Variants in PLCB4 observed in about 807,000 individuals in gnomAD.
PLCB4 encodes the protein 1-phosphatidylinositol 4,5-bisphosphate phosphodiesterase beta-4.
A neutral mutation model predicts 178.8 loss-of-function variants in PLCB4; 77 were observed. The observed-to-expected ratio is 0.43, with a 90% CI of 0.36 to 0.52. PLCB4 has a LOEUF of 0.52. Among genes scored for constraint, PLCB4 ranks in the 20% least tolerant of loss-of-function variants. PLCB4 has a pLI of 0.00. For missense variants in PLCB4, 1,024 were observed against 1,453.4 expected, an observed-to-expected ratio of 0.70 and a Z score of 4.80; for synonymous variants, 496 against 490.8, an observed-to-expected ratio of 1.01 and a Z score of -0.14.
At chr20:9,222,036 GTTTTATTTTATTTTATTTTATTTTA>G (rs869180528) in intron 3 of PLCB4, among the ~76,000 whole-genome samples, 2,364 of 97,288 alleles carry the variant, frequency 0.024, 71 homozygotes, top group African/African-American at 0.057. Context: ...ATTTTATTTT[GTTTTATTTTATTTTATTTTATTTTA>G]TTTTATTTTA....
chr20:9,474,591 A>G (rs2044417335), intron 38 of PLCB4, among the ~76,000 whole-genome samples: 1 of 152,176 alleles, frequency 6.6e-6, no homozygotes, highest in African/African-American at 2.4e-5. Context: ...AATCCTATTT[A>G]AGGAATACTT....
intron 3 of PLCB4, among the ~76,000 whole-genome samples, chr20:9,224,741 A>G (rs2093842315): frequency 6.6e-6 from 1 of 152,106 alleles, no homozygotes; most frequent in African/African-American, 2.4e-5. Context: ...TTCTCTTCCC[A>G]AGGTGATTAG....
intron 27 of PLCB4, among the ~76,000 whole-genome samples, chr20:9,422,429 T>C (rs1199802182): frequency 6.6e-6 from 1 of 152,206 alleles, no homozygotes; most frequent in African/African-American, 2.4e-5. Flanking sequence ...ATGGTGTAAA[T>C]TACATGCATA....
chr20:9,213,364 T>G (rs1343733267), intron 2 of PLCB4, among the ~76,000 whole-genome samples: 2 of 151,646 alleles, frequency 1.3e-5, no homozygotes, highest in African/African-American at 4.9e-5. Flanking sequence ...AGGCTGGTCT[T>G]GAACTCCTGA....
Position 9,307,811 on chromosome 20 carries a change from A to C in PLCB4, c.-4A>C, listed in dbSNP as rs779389917. On this transcript the variant is annotated 5_prime_UTR_variant, in exon 4 of 40. Coordinates refer to ENST00000378473, the MANE Select transcript of PLCB4 (RefSeq NM_001377142.1). ...TTTTTCATTTTTAGGTCTTGAATAT[A>C]ATCATGGCCAAACCTTATGAATTTA... 17 of 1,570,166 alleles carry C rather than the reference A, an allele frequency of 1.1e-5. No homozygotes were observed. Among genetic ancestry groups the C allele is most frequent in the Non-Finnish European group, 1.5e-5 (17 of 1,147,660 alleles).
intron 3 of PLCB4, among the ~76,000 whole-genome samples, chr20:9,306,457 C>G (rs1309810432): frequency 6.6e-6 from 1 of 152,144 alleles, no homozygotes; most frequent in Non-Finnish European, 1.5e-5. Context: ...AACACTTCAT[C>G]TGAGTTTTCT....
At chr20:9,155,633 G>A (rs994135130) in intron 2 of PLCB4, among the ~76,000 whole-genome samples, 1 of 152,172 alleles carries the variant, frequency 6.6e-6, no homozygotes, top group Non-Finnish European at 1.5e-5. Flanking sequence ...AGGTTGATGG[G>A]ATTAAATCAG....
At chr20:9,156,416 A>G (rs2092788893) in intron 2 of PLCB4, among the ~76,000 whole-genome samples, 1 of 152,202 alleles carries the variant, frequency 6.6e-6, no homozygotes, top group Admixed American at 6.5e-5. Context: ...ATTGAGGCAC[A>G]GAAAGGTTAA....
intron 3 of PLCB4, among the ~76,000 whole-genome samples, chr20:9,228,428 C>T (rs1361244732): frequency 6.6e-6 from 1 of 152,032 alleles, no homozygotes; most frequent in Non-Finnish European, 1.5e-5. Flanking sequence ...TAGGATTTTC[C>T]TTTTGGAAAG....
At chr20:9,413,255 T>C (rs915685710) in intron 25 of PLCB4, among the ~76,000 whole-genome samples, 10 of 152,146 alleles carry the variant, frequency 6.6e-5, no homozygotes, top group Admixed American at 3.9e-4. Flanking sequence ...CCATCAGCTG[T>C]CTAACATGCC....
chr20:9,076,339 C>T (rs1016804555), intron 1 of PLCB4, among the ~76,000 whole-genome samples: 9 of 152,098 alleles, frequency 5.9e-5, no homozygotes, highest in East Asian at 1.9e-4. Context: ...TGGTGGCAGG[C>T]GCCTGTAATT....
chr20:9,339,776 A>AC (rs1165055888), intron 7 of PLCB4, among the ~76,000 whole-genome samples: 7 of 151,838 alleles, frequency 4.6e-5, no homozygotes, highest in East Asian at 1.9e-4. Flanking sequence ...AGAAATCCAA[A>AC]CCCCCCCTCC....
Position 9,378,597 on chromosome 20 carries a change from C to A in PLCB4, c.745-1457C>A, listed in dbSNP as rs141927768. 3.6e-3 allele frequency among the ~76,000 whole-genome samples: 554 copies of A among 152,266 alleles called. 4 individuals are homozygous for A. Among genetic ancestry groups the A allele is most frequent in the African/African-American group, 9.7e-3 (405 of 41,568 alleles). ...GTCCACCTCACAATCCTCTTCCCTG[C>A]ATATCCCATAACTTTTGTTCTTGGT... On this transcript the variant is annotated intron_variant, in intron 12 of 39. Coordinates refer to ENST00000378473, the MANE Select transcript of PLCB4 (RefSeq NM_001377142.1).
chr20:9,468,673 G>A lies in PLCB4; in HGVS notation c.3350+1G>A. 1 of 1,558,742 alleles carries A rather than the reference G, an allele frequency of 6.4e-7. No individual in the cohort carries two copies. Among genetic ancestry groups the A allele is most frequent in the Non-Finnish European group, 8.9e-7 (1 of 1,129,910 alleles). On this transcript the variant is annotated splice_donor_variant, in intron 36 of 39. Transcript: ENST00000378473. LOFTEE classifies it high-confidence loss of function. ...TCAAGAATAAAGCAGAACGGGAAAGGTAAGTCTGAGAGTGTTCACTGCAGG... is the reference window on the plus strand; with the variant it reads ...TCAAGAATAAAGCAGAACGGGAAAGATAAGTCTGAGAGTGTTCACTGCAGG...
intron 4 of PLCB4, among the ~76,000 whole-genome samples, chr20:9,318,034 C>T (rs1051068346): frequency 2.6e-5 from 4 of 152,052 alleles, no homozygotes; most frequent in Non-Finnish European, 5.9e-5. Context: ...CCTGTAATCC[C>T]AGCTGCTCGG....
chr20:9,353,698 A>G (rs1014465281), intron 7 of PLCB4, among the ~76,000 whole-genome samples: 1 of 152,080 alleles, frequency 6.6e-6, no homozygotes, highest in Non-Finnish European at 1.5e-5. Context: ...ACCTGGACCA[A>G]ATGCTGTGGG....
intron 2 of PLCB4, among the ~76,000 whole-genome samples, chr20:9,147,622 A>G (rs2092621637): frequency 6.6e-6 from 1 of 152,100 alleles, no homozygotes; most frequent in Admixed American, 6.6e-5. Flanking sequence ...ATGCTAGATC[A>G]GGGTGACTCA....
At chr20:9,441,999 T>C (rs1468149506) in intron 30 of PLCB4, among the ~76,000 whole-genome samples, 1 of 152,132 alleles carries the variant, frequency 6.6e-6, no homozygotes, top group Non-Finnish European at 1.5e-5. Context: ...AAACAAGTTA[T>C]TGTTAAGGAA....
intron 9 of PLCB4, among the ~76,000 whole-genome samples, chr20:9,368,761 G>A (rs2148278227): frequency 6.6e-6 from 1 of 152,264 alleles, no homozygotes; most frequent in South Asian, 2.1e-4. Flanking sequence ...GATCGTTGCT[G>A]TTTTAGCCAC....
Sources: gnomAD v4.1 joint callset for allele counts (sites outside exome capture counted in the v4.1 genomes callset) on GRCh38, gnomAD v4.1.1 for gene constraint, MANE v1.5 for transcripts, NCBI Gene and HGNC (gene_info 2026-07-23, HGNC 2026-07-21) for gene names.